Variants in RINT1 observed in about 807,000 individuals in gnomAD.
The protein encoded by RINT1 is RAD50-interacting protein 1.
A neutral mutation model predicts 97.7 loss-of-function variants in RINT1; 75 were observed. The observed-to-expected ratio is 0.77, with a 90% CI of 0.64 to 0.93. The LOEUF (loss-of-function observed/expected upper bound fraction) is 0.93. RINT1 is among the 40% of genes least tolerant of loss of function. The pLI, the probability that RINT1 is intolerant of heterozygous loss-of-function variation, is 0.00. For missense variants in RINT1, 892 were observed against 925.2 expected (o/e 0.96, Z 0.47); for synonymous variants, 303 against 326.3 (o/e 0.93, Z 0.77).
At chr7:105,547,935 C>G (rs1562848344) in intron 6 of RINT1, among the ~76,000 whole-genome samples, 1 of 151,872 alleles carries the variant, frequency 6.6e-6, no homozygotes, top group Non-Finnish European at 1.5e-5. Context: ...CCATGTTGGT[C>G]AGGCTGGCCT....
In RINT1 at chr7:105,565,257, T is replaced by TA. The variant is rs1791654003; in HGVS notation, c.1887-15dup. The TA allele has an allele frequency of 1.3e-6, 2 of 1,557,430 alleles. No homozygotes were observed. Among genetic ancestry groups the TA allele is most frequent in the South Asian group, 2.4e-5 (2 of 83,930 alleles). ...ATAGAAACTGATGAAAATTTTTTGG[T>TA]AAAAATGTGTTTTTTCCAGATGGTT... On this transcript the variant is annotated intron_variant, in intron 12 of 14. Transcript: ENST00000257700.
At chr7:105,552,443 G>A (rs1045777104) in intron 10 of RINT1, among the ~76,000 whole-genome samples, 1 of 152,016 alleles carries the variant, frequency 6.6e-6, no homozygotes, top group Non-Finnish European at 1.5e-5. Flanking sequence ...TTACAGTGCA[G>A]GGATTCTCTG....
Position 105,547,665 on chromosome 7 carries a change from TTTG to T in RINT1, c.839+335_839+337del, listed in dbSNP as rs754638109. 2.0e-5 allele frequency among the ~76,000 whole-genome samples: 3 copies of T among 152,226 alleles called. No individual in the cohort carries two copies. In the East Asian group the frequency reaches 5.8e-4, roughly 29 times the overall value. ...TTAATCAAATGATACTTGAATTTTT[TTTG>T]TTACTATTTTAGGAAAGATTTATAG... On this transcript the variant is annotated intron_variant, in intron 6 of 14. Coordinates refer to ENST00000257700, the MANE Select transcript of RINT1 (RefSeq NM_021930.6).
At chr7:105,560,188 A>G (rs1200265016) in intron 11 of RINT1, among the ~76,000 whole-genome samples, 1 of 152,220 alleles carries the variant, frequency 6.6e-6, no homozygotes, top group East Asian at 1.9e-4. Context: ...TCAAAAGAAG[A>G]GTGCTGCTTC....
At chr7:105,557,925 C>T (rs1032137490) in intron 11 of RINT1, among the ~76,000 whole-genome samples, 1 of 152,000 alleles carries the variant, frequency 6.6e-6, no homozygotes, top group African/African-American at 2.4e-5. Flanking sequence ...AACTGAAATC[C>T]ATGTGCATAA....
At chr7:105,545,151 T>C (rs900248099) in intron 4 of RINT1, among the ~76,000 whole-genome samples, 2 of 152,112 alleles carry the variant, frequency 1.3e-5, no homozygotes, top group African/African-American at 4.8e-5. Flanking sequence ...TTTCATTCCT[T>C]CCTTAAAAGC....
chr7:105,554,437 C>CT (rs1791084130), intron 10 of RINT1, among the ~76,000 whole-genome samples: 1 of 146,444 alleles, frequency 6.8e-6, no homozygotes, highest in Admixed American at 6.9e-5. Context: ...ATTTTTTTTT[C>CT]TTTCTTTTTT....
At chr7:105,540,617 C>G (rs62486991) in intron 3 of RINT1, among the ~76,000 whole-genome samples, 11,985 of 151,988 alleles carry the variant, frequency 0.079, 512 homozygotes, top group East Asian at 0.12. Context: ...AGGCTGGTCT[C>G]GAACTCCTGA....
At chr7:105,554,092 G>A (rs1402154038) in intron 10 of RINT1, among the ~76,000 whole-genome samples, 1 of 151,746 alleles carries the variant, frequency 6.6e-6, no homozygotes, top group Admixed American at 6.6e-5. Flanking sequence ...TAGAGATGGG[G>A]TTTCACCGTG....
At chr7:105,540,871 T>C (rs1387625309) in intron 3 of RINT1, among the ~76,000 whole-genome samples, 1 of 147,172 alleles carries the variant, frequency 6.8e-6, no homozygotes, top group Admixed American at 6.9e-5. Flanking sequence ...GGAGTCTCGC[T>C]CTGTCACCCA....
In RINT1 at chr7:105,536,241, C is replaced by T. The variant is rs560279477; in HGVS notation, c.89-324C>T. Among the ~76,000 whole-genome samples, 7 of 152,276 alleles carry T rather than the reference C, an allele frequency of 4.6e-5. No individual in the cohort carries two copies. The East Asian group carries it at 1.2e-3, about 25-fold the overall frequency. ...TGGTGTGATCTTGGCTCACTGCAAC[C>T]TCTGCCTCTTGGGTTCAAGGGATTC... is the stretch of plus-strand genomic sequence containing the variant. On this transcript the variant is annotated intron_variant, in intron 2 of 14. Coordinates refer to ENST00000257700, the MANE Select transcript of RINT1 (RefSeq NM_021930.6).
intron 3 of RINT1, 32 bp from the exon 4 acceptor site, chr7:105,542,372 GTTCT>G (rs778564462): frequency 3.9e-5 from 58 of 1,475,148 alleles, no homozygotes; most frequent in East Asian, 6.8e-5. Context: ...GATTGCTGCT[GTTCT>G]TTCTTTCTTT....
Position 105,567,393 on chromosome 7 carries a change from C to G in RINT1, c.*82C>G. ...GGATTTCAAGTTATATGATGAAATT[C>G]TGAATTAATGAAACTGGAAAACTTT... On this transcript the variant is annotated 3_prime_UTR_variant, in exon 15 of 15. Transcript: ENST00000257700. 3 of 963,764 alleles carry G rather than the reference C, an allele frequency of 3.1e-6. No individual in the cohort carries two copies. Among genetic ancestry groups the G allele is most frequent in the Non-Finnish European group, 4.8e-6 (3 of 626,118 alleles). The allele number at this position is 963,764 out of a possible 1,614,324, so 59.7% of individuals were successfully genotyped here.
At chr7:105,561,192 A>T (rs1017108879) in intron 11 of RINT1, among the ~76,000 whole-genome samples, 2 of 152,134 alleles carry the variant, frequency 1.3e-5, no homozygotes, top group African/African-American at 4.8e-5. Context: ...TCTTATGCTT[A>T]AATGCTTGTT....
At chr7:105,545,526 A>AT (rs1203646203) in intron 4 of RINT1, among the ~76,000 whole-genome samples, 5 of 140,940 alleles carry the variant, frequency 3.5e-5, no homozygotes, top group African/African-American at 1.3e-4. Context: ...ATATATATAT[A>AT]TATATTTTTT....
At chr7:105,540,634 G>A (rs1790418624) in intron 3 of RINT1, among the ~76,000 whole-genome samples, 1 of 152,092 alleles carries the variant, frequency 6.6e-6, no homozygotes, top group South Asian at 2.1e-4. Flanking sequence ...CTGACCTCCA[G>A]TGACCTGCCC....
chr7:105,565,384 A>G lies in RINT1; in HGVS notation c.1994A>G (p.Gln665Arg), dbSNP rs1791667727. 1.2e-6 allele frequency: 2 copies of G among 1,614,202 alleles called. No individual in the cohort carries two copies. Among genetic ancestry groups the G allele is most frequent in the Non-Finnish European group, 1.7e-6 (2 of 1,180,020 alleles). Residue 665 changes from glutamine to arginine, a missense_variant, in exon 13 of 15, where the codon CAG becomes CGG. Gln to Arg is a conservative substitution (Grantham distance 43). Transcript: ENST00000257700. ...GACCATTTACTTCAGTTGGAGCAGC[A>G]GCTTTGTTTCTCCTTATTTAAAATT... ...LRDHLLQLEQQLCFSLFKIFW... is the reference protein window; with the variant it reads ...LRDHLLQLEQRLCFSLFKIFW...
intron 10 of RINT1, among the ~76,000 whole-genome samples, chr7:105,552,719 G>A (rs982201844): frequency 1.0e-4 from 13 of 125,340 alleles, no homozygotes; most frequent in Admixed American, 2.1e-4. Flanking sequence ...TGTCACCCAG[G>A]CTGGAGTGCA....
At chr7:105,545,450 T>TA (rs886298162) in intron 4 of RINT1, among the ~76,000 whole-genome samples, 6,950 of 138,876 alleles carry the variant, frequency 0.05, 464 homozygotes, top group African/African-American at 0.15. Flanking sequence ...GAGACTCTTT[T>TA]AAAAAAAAAA....
Sources: allele counts gnomAD v4.1 joint callset (sites outside exome capture counted in the v4.1 genomes callset), GRCh38; gene constraint gnomAD v4.1.1; transcripts MANE v1.5; gene names NCBI Gene and HGNC (gene_info 2026-07-23, HGNC 2026-07-21).